GRID2: variants seen among roughly 807,000 people sequenced by gnomAD.
GRID2 encodes the protein glutamate ionotropic receptor delta type subunit 2.
Under a neutral mutation model 114.8 loss-of-function variants are expected in GRID2, and 33 were observed. The observed-to-expected ratio is 0.29, with a 90% CI of 0.22 to 0.38. The LOEUF (loss-of-function observed/expected upper bound fraction) is 0.38, where lower values mean the gene tolerates loss of function less well. Ranked by LOEUF, GRID2 falls within the 10% of genes least tolerant of loss-of-function variation. GRID2 has a pLI of 1.00. For synonymous variants in GRID2, 505 were observed against 449.9 expected (o/e 1.12, Z -1.55); for missense variants, 1,184 against 1,257.7 (o/e 0.94, Z 0.89).
chr4:92,922,210 G>C (rs144739213), intron 2 of GRID2, among the ~76,000 whole-genome samples: 5 of 152,278 alleles, frequency 3.3e-5, no homozygotes, highest in African/African-American at 9.6e-5. Flanking sequence ...ACAGTATTAC[G>C]ATGGGAGTGA....
chr4:92,832,009 T>C (rs1024369777), intron 2 of GRID2, among the ~76,000 whole-genome samples: 2 of 152,002 alleles, frequency 1.3e-5, no homozygotes, highest in African/African-American at 2.4e-5. Context: ...GATTAGTGTA[T>C]AAAAAGGATG....
chr4:93,189,851 A>G (rs1740814064), intron 4 of GRID2, among the ~76,000 whole-genome samples: 1 of 151,182 alleles, frequency 6.6e-6, no homozygotes, highest in Admixed American at 6.6e-5. Context: ...ACTTCAGAGT[A>G]AGATTTTTTT....
chr4:93,394,351 A>C (rs1765127270), intron 8 of GRID2, among the ~76,000 whole-genome samples: 1 of 152,006 alleles, frequency 6.6e-6, no homozygotes, highest in African/African-American at 2.4e-5. Flanking sequence ...AAATTATTTT[A>C]ATAAGGAAAA....
chr4:92,333,628 A>G lies in GRID2; in HGVS notation c.88+28884A>G, dbSNP rs182100451. ...TTTTATTTATAAATTATATCTTTAA[A>G]TAATTTTTCTCCATTTGCATCTTAC... On this transcript the variant is annotated intron_variant, in intron 1 of 15. Transcript: ENST00000282020. Among the ~76,000 whole-genome samples, 31 of 152,298 alleles carry G rather than the reference A, an allele frequency of 2.0e-4. No individual in the cohort carries two copies. The East Asian group carries it at 4.1e-3, about 20-fold the overall frequency.
chr4:93,170,854 CT>C (rs112575633), intron 4 of GRID2, among the ~76,000 whole-genome samples: 1,520 of 145,004 alleles, frequency 0.01, 14 homozygotes, highest in African/African-American at 0.016. Context: ...ATGTTTGATT[CT>C]TTTTTTTTTT....
At chr4:93,527,300 T>C (rs1262700526) in intron 13 of GRID2, among the ~76,000 whole-genome samples, 1 of 152,218 alleles carries the variant, frequency 6.6e-6, no homozygotes, top group East Asian at 1.9e-4. Context: ...ATTTTTCTTA[T>C]TTTAAATCAA....
chr4:93,054,529 C>T lies in GRID2; in HGVS notation c.245-30466C>T, dbSNP rs368285986. On this transcript the variant is annotated intron_variant, in intron 2 of 15. Coordinates refer to ENST00000282020, the MANE Select transcript of GRID2 (RefSeq NM_001510.4). ...TGCTGATTTGTTGACAAATTTGGAG[C>T]ATGTGGTAAACTTTTCTATCCCAAG... 6.6e-5 allele frequency among the ~76,000 whole-genome samples: 10 copies of T among 151,948 alleles called. No individual in the cohort carries two copies. In the East Asian group the frequency reaches 1.7e-3, roughly 27 times the overall value.
intron 2 of GRID2, among the ~76,000 whole-genome samples, chr4:92,958,807 T>G (rs138172646): frequency 2.0e-4 from 31 of 152,168 alleles, no homozygotes; most frequent in African/African-American, 7.2e-4. Flanking sequence ...CCTTGTACTT[T>G]CTGTTTGGAA....
At chr4:92,415,730 GTGTA>G (rs757314331) in intron 1 of GRID2, among the ~76,000 whole-genome samples, 42 of 87,552 alleles carry the variant, frequency 4.8e-4, no homozygotes, top group African/African-American at 9.2e-4. Context: ...GTGTGTGTGT[GTGTA>G]TGTGTGTATA....
At chr4:93,596,752 T>C (rs1325433118) in intron 13 of GRID2, among the ~76,000 whole-genome samples, 4 of 152,240 alleles carry the variant, frequency 2.6e-5, no homozygotes, top group Non-Finnish European at 5.9e-5. Flanking sequence ...ATCAGTTGGA[T>C]ATTACTTGTG....
At chr4:92,718,535 A>G (rs1348496790) in intron 2 of GRID2, among the ~76,000 whole-genome samples, 3 of 152,120 alleles carry the variant, frequency 2.0e-5, no homozygotes, top group African/African-American at 7.2e-5. Context: ...AGGCTGAGGC[A>G]GGACGATTAT....
At chr4:93,566,015 CCA>C (rs1396576430) in intron 13 of GRID2, among the ~76,000 whole-genome samples, 1 of 152,102 alleles carries the variant, frequency 6.6e-6, no homozygotes, top group African/African-American at 2.4e-5. Flanking sequence ...GGGATTTGCT[CCA>C]CACAGTCATT....
At chr4:93,611,885 T>G (rs1446644304) in intron 13 of GRID2, among the ~76,000 whole-genome samples, 1 of 151,878 alleles carries the variant, frequency 6.6e-6, no homozygotes, top group East Asian at 1.9e-4. Flanking sequence ...ACTTTCTGTC[T>G]CATGGATCTG....
chr4:93,094,458 G>A (rs1044845849), intron 3 of GRID2, among the ~76,000 whole-genome samples: 6 of 151,788 alleles, frequency 4.0e-5, no homozygotes, highest in South Asian at 2.1e-4. Context: ...GTTTACTATG[G>A]CACTCAGTCC....
At chr4:92,876,453 T>C (rs995809147) in intron 2 of GRID2, among the ~76,000 whole-genome samples, 8 of 151,960 alleles carry the variant, frequency 5.3e-5, no homozygotes, top group African/African-American at 1.4e-4. Context: ...TACAGGTGCC[T>C]GCCACCACAC....
At chr4:93,108,586 T>C (rs780507129) in intron 3 of GRID2, among the ~76,000 whole-genome samples, 1 of 152,102 alleles carries the variant, frequency 6.6e-6, no homozygotes, top group Non-Finnish European at 1.5e-5. Context: ...CAACTTACAA[T>C]TTGAAATCAA....
chr4:93,283,530 T>G (rs1252784251), intron 8 of GRID2, among the ~76,000 whole-genome samples: 1 of 151,970 alleles, frequency 6.6e-6, no homozygotes, highest in Non-Finnish European at 1.5e-5. Flanking sequence ...AGCCTAGGAA[T>G]GTGTATTTAA....
At chr4:92,347,909 C>G (rs1034073541) in intron 1 of GRID2, among the ~76,000 whole-genome samples, 3 of 152,100 alleles carry the variant, frequency 2.0e-5, no homozygotes, top group African/African-American at 4.8e-5. Flanking sequence ...ATAAGCTAAT[C>G]ATCTCTGAAA....
At chr4:93,650,163 C>G (rs1305034654) in intron 14 of GRID2, among the ~76,000 whole-genome samples, 3 of 152,056 alleles carry the variant, frequency 2.0e-5, no homozygotes, top group African/African-American at 7.2e-5. Context: ...GAAATCCAGC[C>G]ACCTTTATTG....
Sources: allele counts gnomAD v4.1 joint callset (sites outside exome capture counted in the v4.1 genomes callset), GRCh38; gene constraint gnomAD v4.1.1; transcripts MANE v1.5; gene names NCBI Gene and HGNC (gene_info 2026-07-23, HGNC 2026-07-21).